Variants in RPP30 observed in about 807,000 individuals in gnomAD.
RPP30 encodes ribonuclease P/MRP subunit p30, also known as ribonuclease P protein subunit p30.
Under a neutral mutation model 38.6 loss-of-function variants are expected in RPP30, and 36 were observed. That is an observed-to-expected ratio of 0.93 (90% CI 0.71 to 1.23). RPP30 has a LOEUF of 1.23. Ranked by LOEUF, RPP30 falls within the 50% of genes most tolerant of loss-of-function variation. The pLI is 0.00. For synonymous variants in RPP30, 126 were observed against 112.7 expected, an observed-to-expected ratio of 1.12 and a Z score of -0.75; for missense variants, 321 against 321.7, an observed-to-expected ratio of 1.00 and a Z score of 0.02.
chr10:90,887,830 A>G (rs1276821478), intron 6 of RPP30, among the ~76,000 whole-genome samples: 2 of 152,234 alleles, frequency 1.3e-5, no homozygotes, highest in African/African-American at 4.8e-5. Flanking sequence ...TTGGAAATCT[A>G]TGTTGTGCAA....
chr10:90,875,993 G>C (rs1223449075), intron 3 of RPP30, 31 bp from the exon 4 acceptor site: 2 of 1,212,276 alleles, frequency 1.6e-6, no homozygotes, highest in Non-Finnish European at 2.4e-6. Flanking sequence ...TGTCTTTTGT[G>C]CTTTTTTGAC....
At chr10:90,908,061 TG>T (rs1479087365), downstream of RPP30, among the ~76,000 whole-genome samples, 1 of 152,128 alleles carries the variant, frequency 6.6e-6, no homozygotes, top group African/African-American at 2.4e-5. Flanking sequence ...TATAACACAG[TG>T]GTAAGTATAT....
chr10:90,880,181 G>A (rs1030920745), intron 5 of RPP30: 33 of 151,500 alleles, frequency 2.2e-4, no homozygotes, highest in African/African-American at 6.5e-4. Context: ...AGAGCAGCCT[G>A]GTCTTTGAGG....
chr10:90,896,100 T>C (rs1335967279), intron 9 of RPP30, among the ~76,000 whole-genome samples, 183 bp downstream of exon 9: 2 of 152,058 alleles, frequency 1.3e-5, no homozygotes, highest in Admixed American at 6.5e-5. Context: ...TAATTAATCA[T>C]GAGATAGAAA....
intron 6 of RPP30, among the ~76,000 whole-genome samples, chr10:90,887,597 G>A (rs1847018912): frequency 6.6e-6 from 1 of 152,140 alleles, no homozygotes; most frequent in South Asian, 2.1e-4. Flanking sequence ...ATGTTGGCCA[G>A]GCTGGTCTCA....
At chr10:90,907,133 T>A (rs1847262313), downstream of RPP30, among the ~76,000 whole-genome samples, 1 of 152,200 alleles carries the variant, frequency 6.6e-6, no homozygotes, top group African/African-American at 2.4e-5. Context: ...CCCTCCCAGC[T>A]CTTTAGGGGA....
intron 6 of RPP30, among the ~76,000 whole-genome samples, chr10:90,889,690 C>G (rs958207487): frequency 1.3e-5 from 2 of 152,078 alleles, no homozygotes; most frequent in Admixed American, 1.3e-4. Context: ...AGGCCAGATG[C>G]CATGTGAGAA....
At chr10:90,897,856 T>C (rs952269609) in intron 10 of RPP30, among the ~76,000 whole-genome samples, 3 of 152,294 alleles carry the variant, frequency 2.0e-5, no homozygotes, top group South Asian at 2.1e-4. Context: ...TATTTTGATA[T>C]AGGCATGCAA....
At chr10:90,881,638 G>A (rs1036398546) in intron 5 of RPP30, among the ~76,000 whole-genome samples, 2 of 152,080 alleles carry the variant, frequency 1.3e-5, no homozygotes, top group Non-Finnish European at 2.9e-5. Flanking sequence ...AGTTCTCCTT[G>A]TTTTCTATAG....
At chr10:90,879,343 T>G (rs1296782406) in intron 5 of RPP30, among the ~76,000 whole-genome samples, 4 of 152,214 alleles carry the variant, frequency 2.6e-5, no homozygotes, top group African/African-American at 9.6e-5. Flanking sequence ...CTGCTAACCT[T>G]TGATAGGCTC....
In RPP30 at chr10:90,885,713, A is replaced by G. The variant is rs1846991507; in HGVS notation, c.343-99A>G. 7.3e-5 allele frequency: 53 copies of G among 726,328 alleles called. No homozygotes were observed. In the South Asian group the frequency reaches 7.9e-4, roughly 11 times the overall value. The allele number at this position is 726,328 out of a possible 1,614,324, so 45.0% of individuals were successfully genotyped here. A position where few individuals can be genotyped will look rare whatever the true frequency, so the allele number is the denominator to read the frequency against. ...TCAACACAGAACCATCAAAACACCT[A>G]TGGAGTGAACCATACTTTATATCGA... On this transcript the variant is annotated intron_variant, in intron 5 of 10. Coordinates refer to ENST00000371703, the MANE Select transcript of RPP30 (RefSeq NM_006413.5).
At position 90,894,894 on chromosome 10, in the gene RPP30, A is replaced by G. The variant is rs765437602; in HGVS notation, c.549+3A>G. Reference sequence around the variant, plus strand: ...TGATGCAAATCTGCAAAGGAAAGGTATGGTTCTATAATTTTAGGATGTTTT... The same window carrying G: ...TGATGCAAATCTGCAAAGGAAAGGTGTGGTTCTATAATTTTAGGATGTTTT... On this transcript the variant is annotated splice_donor_region_variant and intron_variant, in intron 7 of 10. Coordinates refer to ENST00000371703, the MANE Select transcript of RPP30 (RefSeq NM_006413.5). The G allele has an allele frequency of 5.1e-6, 8 of 1,577,888 alleles. No homozygotes were observed. In the East Asian group the frequency reaches 1.1e-4, roughly 22 times the overall value.
rs745993583 is a variant in RPP30, at chr10:90,876,074, G to A, written c.246G>A (p.Ser82=). The A allele has an allele frequency of 3.2e-5, 50 of 1,580,950 alleles. No individual in the cohort carries two copies. In the Admixed American group the frequency reaches 3.3e-4, roughly 11 times the overall value. The stretch of plus-strand genomic sequence containing the variant: ...TAACTAGATTAACAATTATTGTCTC[G>A]GATCCATCTCACTGCAATGTTTTGG... ...KILTRLTIIV[S]DPSHCNVLRA... is the part of the protein sequence containing the mutation. Residue 82 remains serine (S), a synonymous_variant, in exon 4 of 11, where the codon TCG becomes TCA. Transcript: ENST00000371703.
At chr10:90,900,092 T>C (rs1440536778) in intron 10 of RPP30, among the ~76,000 whole-genome samples, 2 of 152,228 alleles carry the variant, frequency 1.3e-5, no homozygotes, top group Admixed American at 6.5e-5. Flanking sequence ...CAGGCCATTG[T>C]TGAGTGTTGG....
At chr10:90,876,965 AAACC>A (rs1340648765) in intron 4 of RPP30, among the ~76,000 whole-genome samples, 1 of 152,138 alleles carries the variant, frequency 6.6e-6, no homozygotes, top group East Asian at 1.9e-4. Flanking sequence ...CGGACCATAC[AAACC>A]AGCAGGTTTG....
chr10:90,874,359 C>T (rs1846823029), intron 1 of RPP30, among the ~76,000 whole-genome samples: 1 of 151,986 alleles, frequency 6.6e-6, no homozygotes, highest in South Asian at 2.1e-4. Context: ...TCCATTTCTC[C>T]TTAGGAAAGG....
chr10:90,873,188 AGTTAAT>A (rs1422379927), intron 1 of RPP30, among the ~76,000 whole-genome samples: 1 of 152,236 alleles, frequency 6.6e-6, no homozygotes, highest in African/African-American at 2.4e-5. Context: ...GCAGTTACTC[AGTTAAT>A]GCTTGTGGAA....
chr10:90,886,961 AT>A (rs1847008423), intron 6 of RPP30, among the ~76,000 whole-genome samples: 1 of 151,926 alleles, frequency 6.6e-6, no homozygotes, highest in South Asian at 2.1e-4. Context: ...GGCAAAAATT[AT>A]TAGTAGTAGT....
chr10:90,894,672 G>T, intron 6 of RPP30, 103 bp from the exon 7 acceptor site: 1 of 796,618 alleles, frequency 1.3e-6, no homozygotes, highest in Non-Finnish European at 2.2e-6. Context: ...ACATGTAAGG[G>T]GTCAGTAGTA....
Sources: gnomAD v4.1 joint callset for allele counts (sites outside exome capture counted in the v4.1 genomes callset) on GRCh38, gnomAD v4.1.1 for gene constraint, MANE v1.5 for transcripts, NCBI Gene and HGNC (gene_info 2026-07-23, HGNC 2026-07-21) for gene names.